WDR70: variants seen among roughly 807,000 people sequenced by gnomAD.
WDR70 encodes WD repeat-containing protein 70.
A neutral mutation model predicts 88.6 loss-of-function variants in WDR70; 53 were observed. That is an observed-to-expected ratio of 0.60 (90% confidence interval 0.48 to 0.75). WDR70 has a LOEUF of 0.75. WDR70 is among the 30% of genes least tolerant of loss of function. The pLI is 0.00. For synonymous variants in WDR70, 280 were observed against 270.0 expected (o/e 1.04, Z -0.36); for missense variants, 610 against 823.2 (o/e 0.74, Z 3.17).
chr5:37,561,556 G>T (rs559529245), intron 9 of WDR70, among the ~76,000 whole-genome samples: 13 of 152,302 alleles, frequency 8.5e-5, no homozygotes, highest in Non-Finnish European at 1.3e-4. Context: ...TCTAGAATCA[G>T]GAAGAATTCA....
At chr5:37,513,917 TCAATC>T (rs1385375359) in intron 8 of WDR70, among the ~76,000 whole-genome samples, 2 of 152,130 alleles carry the variant, frequency 1.3e-5, no homozygotes, top group Admixed American at 6.5e-5. Context: ...TTTGTATCCT[TCAATC>T]CAATCAAGTT....
chr5:37,544,171 G>T (rs1741916262), intron 9 of WDR70, among the ~76,000 whole-genome samples: 1 of 152,144 alleles, frequency 6.6e-6, no homozygotes, highest in Non-Finnish European at 1.5e-5. Flanking sequence ...GGGATTGTCT[G>T]CATTGGATTA....
chr5:37,415,991 A>C (rs1015052640), intron 5 of WDR70, among the ~76,000 whole-genome samples: 1 of 141,636 alleles, frequency 7.1e-6, no homozygotes, highest in African/African-American at 2.7e-5. Flanking sequence ...CCTGGATGGG[A>C]TGGCGGCCTG....
chr5:37,749,663 G>T (rs536650427), intron 17 of WDR70, among the ~76,000 whole-genome samples: 1 of 152,006 alleles, frequency 6.6e-6, no homozygotes, highest in Admixed American at 6.5e-5. Flanking sequence ...TTGCAAAAAG[G>T]ACTATGATGT....
chr5:37,524,549 G>A (rs570275870), intron 9 of WDR70, among the ~76,000 whole-genome samples: 6 of 152,216 alleles, frequency 3.9e-5, no homozygotes, highest in South Asian at 2.1e-4. Context: ...AAAGACCATC[G>A]AGGCTAGGAA....
intron 5 of WDR70, among the ~76,000 whole-genome samples, chr5:37,437,009 C>T (rs1581276839): frequency 1.3e-5 from 2 of 152,074 alleles, no homozygotes; most frequent in African/African-American, 4.8e-5. Context: ...TCACTGTAAC[C>T]TCTTATGTCT....
At chr5:37,439,919 G>A (rs898754929) in intron 6 of WDR70, among the ~76,000 whole-genome samples, 34 of 151,586 alleles carry the variant, frequency 2.2e-4, no homozygotes, top group African/African-American at 8.0e-4. Flanking sequence ...GTTTCTGAAT[G>A]TGCACACGTA....
intron 9 of WDR70, among the ~76,000 whole-genome samples, chr5:37,518,741 A>T (rs1740976415): frequency 8.1e-6 from 1 of 123,078 alleles, no homozygotes; most frequent in African/African-American, 3.2e-5. Context: ...GGAGAGGGGG[A>T]TGTGGCAGGG....
intron 8 of WDR70, among the ~76,000 whole-genome samples, chr5:37,486,941 T>C (rs1375133574): frequency 1.3e-5 from 2 of 152,198 alleles, no homozygotes; most frequent in Non-Finnish European, 2.9e-5. Flanking sequence ...GAGAGTTTCT[T>C]TTGCTGTGCA....
chr5:37,587,345 T>G (rs1280481873), intron 9 of WDR70, among the ~76,000 whole-genome samples: 1 of 151,924 alleles, frequency 6.6e-6, no homozygotes, highest in African/African-American at 2.4e-5. Flanking sequence ...CAAACTACTT[T>G]TTTTTCCCTA....
chr5:37,598,094 T>C (rs2112462399), intron 9 of WDR70, among the ~76,000 whole-genome samples: 1 of 152,318 alleles, frequency 6.6e-6, no homozygotes, highest in East Asian at 1.9e-4. Context: ...CTTCCCCCTA[T>C]TGAATGTATT....
chr5:37,699,237 T>C (rs1747071128), intron 11 of WDR70, among the ~76,000 whole-genome samples: 2 of 151,782 alleles, frequency 1.3e-5, no homozygotes, highest in African/African-American at 4.8e-5. Flanking sequence ...AACTGAGTAA[T>C]TACCCAGTTG....
intron 10 of WDR70, among the ~76,000 whole-genome samples, chr5:37,685,662 C>G (rs970472047): frequency 6.6e-6 from 1 of 152,288 alleles, no homozygotes; most frequent in South Asian, 2.1e-4. Context: ...TGCTGGTGCT[C>G]TACCACAGAT....
chr5:37,689,129 G>C (rs1431598716), intron 10 of WDR70, among the ~76,000 whole-genome samples: 11 of 152,246 alleles, frequency 7.2e-5, no homozygotes, highest in African/African-American at 2.7e-4. Flanking sequence ...AGCCTGGCTG[G>C]GGGAGGGGCG....
chr5:37,552,471 G>A (rs1380897789), intron 9 of WDR70, among the ~76,000 whole-genome samples: 1 of 152,150 alleles, frequency 6.6e-6, no homozygotes, highest in Non-Finnish European at 1.5e-5. Flanking sequence ...AAACTACAAA[G>A]AAGCAAGCCA....
At chr5:37,419,409 T>G (rs1423501297) in intron 5 of WDR70, among the ~76,000 whole-genome samples, 1 of 151,112 alleles carries the variant, frequency 6.6e-6, no homozygotes, top group African/African-American at 2.4e-5. Flanking sequence ...TTTCACCATC[T>G]TGGCCAGGCT....
At chr5:37,476,892 A>G (rs111475460) in intron 7 of WDR70, among the ~76,000 whole-genome samples, 1 of 152,280 alleles carries the variant, frequency 6.6e-6, no homozygotes, top group Non-Finnish European at 1.5e-5. Context: ...GCTGGAGTGT[A>G]GTGACGCGAT....
intron 13 of WDR70, among the ~76,000 whole-genome samples, chr5:37,712,642 T>C (rs967686535): frequency 6.6e-6 from 1 of 152,210 alleles, no homozygotes; most frequent in Non-Finnish European, 1.5e-5. Flanking sequence ...ACTGATGTGA[T>C]ATAGTACTTA....
chr5:37,722,947 C>T lies in WDR70; in HGVS notation c.1597+13C>T. ...TACATCATCACCCGTAAGTCGTTAA[C>T]ATGCCTCTCAATCATGCATCTCTCT... On this transcript the variant is annotated intron_variant, in intron 15 of 17. Coordinates refer to ENST00000265107, the MANE Select transcript of WDR70 (RefSeq NM_018034.4). The T allele has an allele frequency of 6.2e-7, 1 of 1,613,228 alleles. No individual in the cohort carries two copies. The highest frequency in any genetic ancestry group is 8.5e-7 in the Non-Finnish European group (1 of 1,179,390).
Sources: gnomAD v4.1 joint callset for allele counts (sites outside exome capture counted in the v4.1 genomes callset) on GRCh38, gnomAD v4.1.1 for gene constraint, MANE v1.5 for transcripts, NCBI Gene and HGNC (gene_info 2026-07-23, HGNC 2026-07-21) for gene names.